The following SLIT2 variants were observed in gnomAD, a reference collection of about 807,000 sequenced individuals.
The protein encoded by SLIT2 is slit homolog 2 protein.
In SLIT2, 41 loss-of-function variants were observed where a neutral mutation model predicts 185.7. That is an observed-to-expected ratio of 0.22 (90% CI 0.17 to 0.29). The LOEUF (loss-of-function observed/expected upper bound fraction) is 0.29. SLIT2 is among the 10% of genes least tolerant of loss of function. SLIT2 has a pLI of 1.00. For synonymous variants in SLIT2, 693 were observed against 680.2 expected (o/e 1.02, Z -0.29); for missense variants, 1,571 against 1,909.0 (o/e 0.82, Z 3.30).
intron 4 of SLIT2, among the ~76,000 whole-genome samples, chr4:20,306,009 C>A (rs960563178): frequency 6.6e-6 from 1 of 151,862 alleles, no homozygotes; most frequent in South Asian, 2.1e-4. Flanking sequence ...TGAAGTTATG[C>A]ATAATTCTTA....
chr4:20,286,733 C>T (rs1030537207), intron 4 of SLIT2, among the ~76,000 whole-genome samples: 11 of 152,062 alleles, frequency 7.2e-5, no homozygotes, highest in African/African-American at 2.2e-4. Context: ...ACCTGGGAGG[C>T]AAAGGTTGCA....
chr4:20,327,391 G>T (rs913439370), intron 4 of SLIT2, among the ~76,000 whole-genome samples: 1 of 151,930 alleles, frequency 6.6e-6, no homozygotes, highest in African/African-American at 2.4e-5. Context: ...AATATCAATT[G>T]CTAGGATGGG....
intron 4 of SLIT2, among the ~76,000 whole-genome samples, chr4:20,354,274 C>G (rs532836126): frequency 6.7e-5 from 10 of 150,238 alleles, no homozygotes; most frequent in African/African-American, 1.7e-4. Flanking sequence ...ATTAACTGCT[C>G]TCTATTGTTG....
chr4:20,515,638 C>A (rs960112792), intron 11 of SLIT2, among the ~76,000 whole-genome samples: 3 of 152,102 alleles, frequency 2.0e-5, no homozygotes, highest in Non-Finnish European at 4.4e-5. Context: ...CTGTACTCTT[C>A]TAAAAATCAC....
At chr4:20,416,140 C>G (rs1393594337) in intron 4 of SLIT2, among the ~76,000 whole-genome samples, 1 of 152,136 alleles carries the variant, frequency 6.6e-6, no homozygotes, top group Non-Finnish European at 1.5e-5. Flanking sequence ...TATTGTCATT[C>G]TTTCTGGATT....
intron 5 of SLIT2, among the ~76,000 whole-genome samples, chr4:20,470,484 C>CTG (rs540814034): frequency 0.12 from 15,350 of 129,020 alleles, 1,030 homozygotes; most frequent in Admixed American, 0.18. Context: ...GCAGTGGAGT[C>CTG]TGTGTGTGTG....
chr4:20,296,260 G>A (rs569570897), intron 4 of SLIT2, among the ~76,000 whole-genome samples: 1 of 152,208 alleles, frequency 6.6e-6, no homozygotes, highest in South Asian at 2.1e-4. Context: ...AATGAGGAGA[G>A]CAGAATATGG....
intron 4 of SLIT2, among the ~76,000 whole-genome samples, chr4:20,412,211 A>C (rs1222957572): frequency 6.6e-6 from 1 of 152,152 alleles, no homozygotes; most frequent in African/African-American, 2.4e-5. Context: ...AATTAAAAAA[A>C]AAAAGAATGC....
chr4:20,393,895 A>G (rs534447144), intron 4 of SLIT2, among the ~76,000 whole-genome samples: 176 of 152,160 alleles, frequency 1.2e-3, no homozygotes, highest in South Asian at 1.7e-3. Flanking sequence ...ATTGGTGATC[A>G]CAGAGACTGA....
intron 4 of SLIT2, among the ~76,000 whole-genome samples, chr4:20,461,086 T>C (rs780875754): frequency 6.6e-6 from 1 of 152,164 alleles, no homozygotes; most frequent in Non-Finnish European, 1.5e-5. Flanking sequence ...CATCACATAG[T>C]TGATAGGTTA....
chr4:20,278,425 A>G (rs1714384296), intron 4 of SLIT2, among the ~76,000 whole-genome samples: 1 of 152,124 alleles, frequency 6.6e-6, no homozygotes, highest in Non-Finnish European at 1.5e-5. Context: ...TTATGATGTT[A>G]TATGCTCTAC....
chr4:20,300,387 A>C (rs1716926251), intron 4 of SLIT2, among the ~76,000 whole-genome samples: 1 of 152,166 alleles, frequency 6.6e-6, no homozygotes, highest in Non-Finnish European at 1.5e-5. Flanking sequence ...AAAAACATTC[A>C]ATGTGATACA....
Position 20,617,218 on chromosome 4 carries a change from G to T in SLIT2, c.4136+20G>T. On this transcript the variant is annotated intron_variant, in intron 35 of 36. Transcript: ENST00000504154. ...AAATAAGTAAGTTCCTGCTGCTTGG[G>T]AGTTGAGCACACACCTGAAAGCCTC... 1.4e-6 allele frequency: 2 copies of T among 1,443,328 alleles called. No homozygotes were observed. The highest frequency in any genetic ancestry group is 1.4e-5 in the African/African-American group (1 of 70,014). The allele number at this position is 1,443,328 out of a possible 1,614,324, so 89.4% of individuals were successfully genotyped here.
intron 4 of SLIT2, among the ~76,000 whole-genome samples, chr4:20,455,904 T>C (rs922935946): frequency 1.3e-5 from 2 of 152,192 alleles, no homozygotes; most frequent in African/African-American, 4.8e-5. Flanking sequence ...AGTCTTTATT[T>C]CTAGGCATTT....
At chr4:20,516,669 T>C (rs941290566) in intron 11 of SLIT2, among the ~76,000 whole-genome samples, 11 of 152,314 alleles carry the variant, frequency 7.2e-5, no homozygotes, top group Admixed American at 2.0e-4. Context: ...TCCTGGTCTT[T>C]GGATTTTGGT....
intron 33 of SLIT2, among the ~76,000 whole-genome samples, chr4:20,608,363 T>G (rs923559896): frequency 1.3e-5 from 2 of 152,168 alleles, no homozygotes; most frequent in African/African-American, 4.8e-5. Flanking sequence ...TAGCCAATGT[T>G]ACTACTTGGC....
At chr4:20,595,620 T>C in intron 30 of SLIT2, 77 bp from the exon 31 acceptor site, 1 of 1,559,718 alleles carries the variant, frequency 6.4e-7, no homozygotes, top group Non-Finnish European at 8.8e-7. Flanking sequence ...GATGGTGCCA[T>C]TGTGTCTAGA....
chr4:20,314,747 G>GA (rs1718416151), intron 4 of SLIT2, among the ~76,000 whole-genome samples: 2 of 152,082 alleles, frequency 1.3e-5, no homozygotes, highest in Admixed American at 1.3e-4. Flanking sequence ...AAGGGAAATT[G>GA]AAAAAATGAT....
intron 4 of SLIT2, among the ~76,000 whole-genome samples, chr4:20,430,988 GT>G (rs1454475956): frequency 6.6e-6 from 1 of 152,174 alleles, no homozygotes; most frequent in Non-Finnish European, 1.5e-5. Context: ...TTAACAGACT[GT>G]TTGGTTGCTA....
Sources: gnomAD v4.1 joint callset for allele counts (sites outside exome capture counted in the v4.1 genomes callset) on GRCh38, gnomAD v4.1.1 for gene constraint, MANE v1.5 for transcripts, NCBI Gene and HGNC (gene_info 2026-07-23, HGNC 2026-07-21) for gene names.